CLDN1: variants seen among roughly 807,000 people sequenced by gnomAD.
CLDN1 encodes the protein claudin 1.
A neutral mutation model predicts 22.6 loss-of-function variants in CLDN1; 12 were observed. The ratio of observed to expected loss-of-function variants is 0.53; its 90% confidence interval spans 0.34 to 0.86. The LOEUF (loss-of-function observed/expected upper bound fraction) is 0.86. CLDN1 is among the 40% of genes least tolerant of loss of function. The pLI is 0.02. For synonymous variants in CLDN1, 99 were observed against 103.8 expected (o/e 0.95, Z 0.28); for missense variants, 250 against 269.5 (o/e 0.93, Z 0.51).
At chr3:190,321,946 G>A (rs374223346) in intron 1 of CLDN1, 38 bp downstream of exon 1, 15 of 1,543,034 alleles carry the variant, frequency 9.7e-6, no homozygotes, top group Non-Finnish European at 1.3e-5. Context: ...GGGGACTGGG[G>A]CCTCTGGACG....
At position 190,322,102 on chromosome 3, in the gene CLDN1, A is replaced by C; in HGVS notation, c.105T>G (p.Tyr35Ter). 1 of 1,614,206 alleles carries C rather than the reference A, an allele frequency of 6.2e-7. No individual in the cohort carries two copies. The highest frequency in any genetic ancestry group is 8.5e-7 in the Non-Finnish European group (1 of 1,180,028). ...GGGCGGTCACGATGTTGTCGCCGGC[A>C]TAGGAGTAAATCCTCCACTGGGGCA... The part of the protein sequence containing the change: ...TALPQWRIYS[Y>*]AGDNIVTAQA... Residue 35 changes from tyrosine to a stop codon, truncating the protein, a stop_gained, in exon 1 of 4, where the codon TAT (tyrosine) becomes TAG (stop). Transcript: ENST00000295522. LOFTEE classifies it high-confidence loss of function.
intron 2 of CLDN1, among the ~76,000 whole-genome samples, 157 bp downstream of exon 2, chr3:190,312,715 G>A (rs1447724575): frequency 6.6e-6 from 1 of 152,176 alleles, no homozygotes; most frequent in East Asian, 1.9e-4. Flanking sequence ...TTTTCATTTA[G>A]TTTGTGTTTG....
Position 190,306,476 on chromosome 3 carries a change from T to C in CLDN1, c.*1801A>G, listed in dbSNP as rs9283658. The C allele has an allele frequency of 0.12, 18,633 of 152,266 alleles. 1,686 individuals are homozygous for C. Among genetic ancestry groups the C allele is most frequent in the East Asian group, 0.5 (2,592 of 5,172 alleles). The allele number at this position is 152,266 out of a possible 1,614,324, so 9.4% of individuals were successfully genotyped here. On this transcript the variant is annotated 3_prime_UTR_variant, in exon 4 of 4. Coordinates refer to ENST00000295522, the MANE Select transcript of CLDN1 (RefSeq NM_021101.5). ...TTCTTTCCCTTAGTATAGCACTTTT[T>C]AAATTACAAAACCACACTTACATGT...
rs78405484 is a variant in CLDN1 at position 190,318,322 on chromosome 3, C to T, written c.223+3662G>A. On this transcript the variant is annotated intron_variant, in intron 1 of 3. Coordinates refer to ENST00000295522, the MANE Select transcript of CLDN1 (RefSeq NM_021101.5). Reference sequence around the variant, plus strand: ...TTCTATATTACCTCCATTATATTTCCTTAATCACTCCAATTAAGGAAACCT... The same window carrying T: ...TTCTATATTACCTCCATTATATTTCTTTAATCACTCCAATTAAGGAAACCT... Among the ~76,000 whole-genome samples, 929 of 152,256 alleles carry T rather than the reference C, an allele frequency of 6.1e-3. 3 individuals are homozygous for T. The highest frequency in any genetic ancestry group is 0.021 in the African/African-American group (889 of 41,562).
chr3:190,313,965 T>G (rs1485443697), intron 1 of CLDN1, among the ~76,000 whole-genome samples: 1 of 152,228 alleles, frequency 6.6e-6, no homozygotes, highest in Non-Finnish European at 1.5e-5. Context: ...AAGATTTTGT[T>G]TAAATTCTAG....
At chr3:190,310,801 T>C (rs1037159316) in intron 2 of CLDN1, among the ~76,000 whole-genome samples, 1 of 152,144 alleles carries the variant, frequency 6.6e-6, no homozygotes. Context: ...ATACCTGATA[T>C]AGGTATAGGT....
In CLDN1 at chr3:190,322,431, G is replaced by A. The variant is rs954433535; in HGVS notation, c.-225C>T. ...TACTAGAAGCTGCGGTTGCTCCCAG[G>A]CTCGGGAACTGAGACGCAGAACCGC... is the stretch of plus-strand genomic sequence containing the variant. On this transcript the variant is annotated 5_prime_UTR_variant, in exon 1 of 4. Transcript: ENST00000295522. The A allele has an allele frequency of 1.7e-6, 1 of 585,694 alleles. No individual in the cohort carries two copies. The highest frequency in any genetic ancestry group is 2.8e-5 in the East Asian group (1 of 35,160). The allele number at this position is 585,694 out of a possible 1,614,324, so 36.3% of individuals were successfully genotyped here.
chr3:190,316,390 T>C (rs777263051), intron 1 of CLDN1, among the ~76,000 whole-genome samples: 28 of 152,210 alleles, frequency 1.8e-4, no homozygotes, highest in Admixed American at 8.5e-4. Flanking sequence ...AGTATAGTTA[T>C]ATGTGAGGAA....
chr3:190,313,380 C>A (rs1716678218), intron 1 of CLDN1, among the ~76,000 whole-genome samples: 1 of 152,070 alleles, frequency 6.6e-6, no homozygotes, highest in Non-Finnish European at 1.5e-5. Flanking sequence ...TTCATCCTTG[C>A]TAAGATAATT....
intron 3 of CLDN1, among the ~76,000 whole-genome samples, chr3:190,308,867 T>C (rs1716532391): frequency 6.6e-6 from 1 of 152,168 alleles, no homozygotes; most frequent in African/African-American, 2.4e-5. Flanking sequence ...TTTGAACAGA[T>C]GATCCATTGG....
chr3:190,315,315 T>C (rs948883318), intron 1 of CLDN1, among the ~76,000 whole-genome samples: 6 of 152,150 alleles, frequency 3.9e-5, no homozygotes, highest in African/African-American at 1.4e-4. Flanking sequence ...TTTAAAGTCC[T>C]ACATCCTTAG....
chr3:190,322,313 A>C lies in CLDN1; in HGVS notation c.-107T>G. On this transcript the variant is annotated 5_prime_UTR_variant, in exon 1 of 4. Transcript: ENST00000295522. ...GAAGGTGGCTGGGCCCCGCGGAGGA[A>C]GTTAAGGCGGGGAGCCCTGCTCGCT... 2 of 1,028,620 alleles carry C rather than the reference A, an allele frequency of 1.9e-6. No individual in the cohort carries two copies. Among genetic ancestry groups the C allele is most frequent in the Non-Finnish European group, 2.9e-6 (2 of 680,318 alleles). 63.7% of individuals were successfully genotyped at this position (1,028,620 alleles called of 1,614,324 possible).
intron 2 of CLDN1, 146 bp from the exon 3 acceptor site, chr3:190,310,399 G>T: frequency 1.6e-6 from 1 of 617,034 alleles, no homozygotes; most frequent in Non-Finnish European, 2.8e-6. Context: ...GAGATTAGAA[G>T]TCCAGATATG....
chr3:190,307,915 T>G lies in CLDN1; in HGVS notation c.*362A>C, dbSNP rs1716502067. ...TATTTTAGAGATATTTTAAGTATGC[T>G]AGTATCAACATAATGAGAATAGTAT... On this transcript the variant is annotated 3_prime_UTR_variant, in exon 4 of 4. Coordinates refer to ENST00000295522, the MANE Select transcript of CLDN1 (RefSeq NM_021101.5). The G allele has an allele frequency of 5.7e-6, 1 of 175,222 alleles. No homozygotes were observed. Among genetic ancestry groups the G allele is most frequent in the Admixed American group, 5.6e-5 (1 of 17,934 alleles). 10.9% of individuals were successfully genotyped at this position (175,222 alleles called of 1,614,324 possible).
intron 2 of CLDN1, among the ~76,000 whole-genome samples, chr3:190,312,324 T>C (rs1716645616): frequency 6.6e-6 from 1 of 152,212 alleles, no homozygotes; most frequent in Admixed American, 6.5e-5. Context: ...CCTAACTGCT[T>C]TAAACTGACC....
intron 1 of CLDN1, among the ~76,000 whole-genome samples, chr3:190,315,517 C>T (rs1202575115): frequency 2.0e-5 from 3 of 151,934 alleles, no homozygotes; most frequent in East Asian, 3.9e-4. Flanking sequence ...GAGAAAGGGG[C>T]GACATGATTT....
At chr3:190,316,823 A>G (rs954054336) in intron 1 of CLDN1, among the ~76,000 whole-genome samples, 3 of 152,190 alleles carry the variant, frequency 2.0e-5, no homozygotes, top group Non-Finnish European at 4.4e-5. Context: ...TCTTGTGTTT[A>G]GCTTAATTTT....
chr3:190,310,277 C>T (rs1014735218), intron 2 of CLDN1, 24 bp from the exon 3 acceptor site: 1 of 1,573,140 alleles, frequency 6.4e-7, no homozygotes, highest in Non-Finnish European at 8.7e-7. Context: ...AAACAAAAGA[C>T]TGTTAATCAC....
intron 2 of CLDN1, among the ~76,000 whole-genome samples, chr3:190,311,855 A>C (rs918055690): frequency 2.6e-5 from 4 of 151,976 alleles, no homozygotes; most frequent in African/African-American, 4.8e-5. Flanking sequence ...GCTTTGAAAT[A>C]ATGCTGTCCA....
Sources: gnomAD v4.1 joint callset for allele counts (sites outside exome capture counted in the v4.1 genomes callset) on GRCh38, gnomAD v4.1.1 for gene constraint, MANE v1.5 for transcripts, NCBI Gene and HGNC (gene_info 2026-07-23, HGNC 2026-07-21) for gene names.